WDFY3: variants seen among roughly 807,000 people sequenced by gnomAD.
WDFY3 encodes WD repeat and FYVE domain-containing protein 3.
A neutral mutation model predicts 409.6 loss-of-function variants in WDFY3; 66 were observed. The ratio of observed to expected loss-of-function variants is 0.16; its 90% CI spans 0.13 to 0.20. The LOEUF (loss-of-function observed/expected upper bound fraction) is 0.20, where lower values mean the gene tolerates loss of function less well. Ranked by LOEUF, WDFY3 falls within the 10% of genes least tolerant of loss-of-function variation. WDFY3 has a pLI of 1.00. For synonymous variants in WDFY3, 1,521 were observed against 1,537.1 expected (o/e 0.99, Z 0.25); for missense variants, 3,031 against 4,298.1 (o/e 0.71, Z 8.24).
chr4:84,674,293 G>C (rs562657275), intron 67 of WDFY3, among the ~76,000 whole-genome samples: 82 of 152,334 alleles, frequency 5.4e-4, no homozygotes, highest in African/African-American at 1.9e-3. Context: ...TAATATGATG[G>C]GTGTGGAGGC....
At chr4:84,682,639 C>G (rs1308720558) in intron 63 of WDFY3, 169 bp from the exon 64 acceptor site, 1 of 615,006 alleles carries the variant, frequency 1.6e-6, no homozygotes. Context: ...GCTGCCTGCA[C>G]ACAATGGCTG....
At chr4:84,865,384 T>C (rs1030144233) in intron 3 of WDFY3, among the ~76,000 whole-genome samples, 2 of 152,232 alleles carry the variant, frequency 1.3e-5, no homozygotes, top group Admixed American at 6.5e-5. Flanking sequence ...TCCTCTCAAC[T>C]AGGCTTGGCT....
rs1560564400 is a variant in WDFY3, at chr4:84,705,420, C to T, written c.8309G>A (p.Arg2770Gln). 2 of 1,613,650 alleles carry T rather than the reference C, an allele frequency of 1.2e-6. No individual in the cohort carries two copies. Among genetic ancestry groups the T allele is most frequent in the Non-Finnish European group, 8.5e-7 (1 of 1,179,762 alleles). Residue 2770 changes from arginine to glutamine, a missense_variant, in exon 54 of 68, where the codon CGG becomes CAG. Arg to Gln is a conservative substitution (Grantham distance 43). Around this residue, in one of 16 missense-constraint regions of WDFY3, gnomAD observed 129 missense variants for 305.3 expected, o/e 0.42. Transcript: ENST00000295888. ...TDERLAQYKK[R>Q]YKDWEDPNGE... ...ATTAGGATCCTCCCAGTCTTTATAC[C>T]GCTTCTTATACTGAGCTAATCGTTC...
chr4:84,713,140 C>A lies in WDFY3; in HGVS notation c.8042+19G>T, dbSNP rs764295439. On this transcript the variant is annotated intron_variant, in intron 51 of 67. Transcript: ENST00000295888. ...AACTTCACTATTAAACTGTAACATG[C>A]AAGGAACAAACCACCTACCCCTGCT... The A allele has an allele frequency of 1.9e-6, 3 of 1,611,850 alleles. No individual in the cohort carries two copies. Among genetic ancestry groups the A allele is most frequent in the Non-Finnish European group, 2.5e-6 (3 of 1,178,134 alleles).
chr4:84,884,801 C>T (rs1267991150), intron 3 of WDFY3, among the ~76,000 whole-genome samples: 2 of 151,998 alleles, frequency 1.3e-5, no homozygotes, highest in Non-Finnish European at 2.9e-5. Context: ...CTAATCAGAA[C>T]CAAACATGTG....
chr4:84,879,462 C>T (rs1344321199), intron 3 of WDFY3: 1 of 152,170 alleles, frequency 6.6e-6, no homozygotes, highest in Non-Finnish European at 1.5e-5. Context: ...CTTATATTCA[C>T]TATGTTCTTG....
intron 13 of WDFY3, among the ~76,000 whole-genome samples, chr4:84,815,498 T>C (rs1347694312): frequency 6.6e-6 from 1 of 152,156 alleles, no homozygotes; most frequent in Non-Finnish European, 1.5e-5. Context: ...CAAAGGAAAA[T>C]ACAAGTTCAT....
intron 35 of WDFY3, among the ~76,000 whole-genome samples, chr4:84,752,064 C>T (rs1162977614): frequency 1.3e-5 from 2 of 151,818 alleles, no homozygotes; most frequent in African/African-American, 2.4e-5. Flanking sequence ...AGTCAAATGT[C>T]ACAGAATTTC....
chr4:84,946,315 C>T (rs1772823021), intron 1 of WDFY3, among the ~76,000 whole-genome samples: 1 of 152,136 alleles, frequency 6.6e-6, no homozygotes, highest in Admixed American at 6.5e-5. Flanking sequence ...GTGATAAGTA[C>T]CCTTCTCTTT....
At chr4:84,868,543 A>G (rs1761744367) in intron 3 of WDFY3, among the ~76,000 whole-genome samples, 1 of 152,086 alleles carries the variant, frequency 6.6e-6, no homozygotes, top group Non-Finnish European at 1.5e-5. Context: ...CTATGGACCC[A>G]TCATACTATA....
intron 46 of WDFY3, 76 bp downstream of exon 46, chr4:84,724,350 C>T: frequency 6.6e-7 from 1 of 1,513,972 alleles, no homozygotes. Flanking sequence ...TTTATAGTTG[C>T]TCAAATTTTT....
intron 65 of WDFY3, 116 bp downstream of exon 65, chr4:84,678,803 A>G: frequency 3.4e-6 from 4 of 1,162,532 alleles, no homozygotes; most frequent in Non-Finnish European, 4.9e-6. Context: ...TGAGTGGCCC[A>G]GCTCACGGGG....
intron 36 of WDFY3, among the ~76,000 whole-genome samples, chr4:84,749,438 T>A (rs1740101424): frequency 1.3e-5 from 2 of 152,144 alleles, no homozygotes; most frequent in Non-Finnish European, 2.9e-5. Context: ...AGGGATGAAG[T>A]TAATAGTTAA....
chr4:84,859,429 C>T (rs67045782), intron 4 of WDFY3, among the ~76,000 whole-genome samples: 63,597 of 151,858 alleles, frequency 0.42, 13,603 homozygotes, highest in East Asian at 0.5. Context: ...TAAAACTACA[C>T]AACAGCAGTA....
At chr4:84,949,927 C>T (rs893337179) in intron 1 of WDFY3, among the ~76,000 whole-genome samples, 1 of 152,146 alleles carries the variant, frequency 6.6e-6, no homozygotes, top group Non-Finnish European at 1.5e-5. Context: ...CCAATGACAT[C>T]TCAAAAATAG....
In WDFY3 at chr4:84,794,520, A is replaced by G. The variant is rs1376959873; in HGVS notation, c.3486T>C (p.Tyr1162=). 2 of 1,612,236 alleles carry G rather than the reference A, an allele frequency of 1.2e-6. No homozygotes were observed. Among genetic ancestry groups the G allele is most frequent in the Non-Finnish European group, 1.7e-6 (2 of 1,179,544 alleles). Residue 1162 remains tyrosine (Y), a splice_region_variant and synonymous_variant, in exon 21 of 68, where the codon TAT becomes TAC. Coordinates refer to ENST00000295888, the MANE Select transcript of WDFY3 (RefSeq NM_014991.6). ...VSTKEELLQN[Y]VDDFSEESSF... is the part of the protein sequence containing the mutation. ...AAGAAAACAAAAAAAAATACTGACC[A>G]TAATTTTGGAGGAGTTCCTCTTTGG...
chr4:84,824,072 C>T, intron 10 of WDFY3, among the ~76,000 whole-genome samples: 1 of 152,012 alleles, frequency 6.6e-6, no homozygotes, highest in East Asian at 1.9e-4. Context: ...TGAAATAATA[C>T]CCAGCATTAA....
intron 13 of WDFY3, among the ~76,000 whole-genome samples, chr4:84,815,098 A>G (rs895393354): frequency 6.6e-6 from 1 of 152,112 alleles, no homozygotes; most frequent in Non-Finnish European, 1.5e-5. Flanking sequence ...GAGGAAAAAT[A>G]ATGTTTTTCT....
chr4:84,947,281 G>A lies in WDFY3; in HGVS notation c.-225-14918C>T, dbSNP rs190502086. On this transcript the variant is annotated intron_variant, in intron 1 of 67. Coordinates refer to ENST00000295888, the MANE Select transcript of WDFY3 (RefSeq NM_014991.6). ...TAATCCTAGCACTTTGGGAAGCCGAGGCGGGCGGATCACGAGGTCAGGAGA... is the reference window on the plus strand; with the variant it reads ...TAATCCTAGCACTTTGGGAAGCCGAAGCGGGCGGATCACGAGGTCAGGAGA... 4.7e-3 allele frequency among the ~76,000 whole-genome samples: 712 copies of A among 150,092 alleles called. 7 individuals are homozygous for A. Among genetic ancestry groups the A allele is most frequent in the African/African-American group, 0.016 (661 of 41,110 alleles).
Sources: gnomAD v4.1 joint callset for allele counts (sites outside exome capture counted in the v4.1 genomes callset) on GRCh38, gnomAD v4.1.1 for gene constraint, gnomAD v4.1.1 regional missense constraint, MANE v1.5 for transcripts, NCBI Gene and HGNC (gene_info 2026-07-23, HGNC 2026-07-21) for gene names.